Variants in MTA3 observed in about 807,000 individuals in gnomAD.
MTA3 encodes the protein metastasis-associated protein MTA3.
A neutral mutation model predicts 83.5 loss-of-function variants in MTA3; 34 were observed. The ratio of observed to expected loss-of-function variants is 0.41; its 90% confidence interval spans 0.31 to 0.54. The LOEUF (loss-of-function observed/expected upper bound fraction) is 0.54. Among genes scored for constraint, MTA3 ranks in the 20% least tolerant of loss-of-function variants. MTA3 has a pLI of 0.33. For synonymous variants in MTA3, 303 were observed against 252.7 expected (o/e 1.20, Z -1.89); for missense variants, 761 against 726.4 (o/e 1.05, Z -0.55).
At chr2:42,637,895 G>A (rs1465564247) in intron 4 of MTA3, among the ~76,000 whole-genome samples, 1 of 151,954 alleles carries the variant, frequency 6.6e-6, no homozygotes, top group East Asian at 1.9e-4. Flanking sequence ...ATGCTATATT[G>A]TTTGTTTGAA....
chr2:42,730,271 A>C (rs2104560362), intron 16 of MTA3, among the ~76,000 whole-genome samples: 1 of 152,268 alleles, frequency 6.6e-6, no homozygotes, highest in Middle Eastern at 3.4e-3. Flanking sequence ...CAGTGGTGAA[A>C]CTGGGCATCC....
At chr2:42,737,825 A>C (rs1430198823) in intron 16 of MTA3, among the ~76,000 whole-genome samples, 3 of 152,242 alleles carry the variant, frequency 2.0e-5, no homozygotes, top group African/African-American at 4.8e-5. Flanking sequence ...CCACCGAATG[A>C]ATACAGGCCC....
chr2:42,753,251 C>T, intron 16 of MTA3, 123 bp from the exon 17 acceptor site: 1 of 1,505,886 alleles, frequency 6.6e-7, no homozygotes. Flanking sequence ...TTTCTTTGAC[C>T]TACTGCTGAG....
chr2:42,495,518 T>C (rs1264765781), intron 2 of MTA3, among the ~76,000 whole-genome samples: 1 of 152,040 alleles, frequency 6.6e-6, no homozygotes, highest in East Asian at 1.9e-4. Context: ...ACAAGAAAAA[T>C]ATCTGTAAGA....
At position 42,694,963 on chromosome 2, in the gene MTA3, AC is replaced by A. The variant is rs566472763; in HGVS notation, c.892-798del. The stretch of plus-strand genomic sequence containing the variant: ...AGACCAGCCTGGGCAACATAGGGAG[AC>A]CCCAACTCTACAAAAAATAAAAAAG... On this transcript the variant is annotated intron_variant, in intron 9 of 16. Transcript: ENST00000405094. Among the ~76,000 whole-genome samples the A allele has an allele frequency of 2.0e-5, 3 of 151,896 alleles. No individual in the cohort carries two copies. In the South Asian group the frequency reaches 6.3e-4, roughly 32 times the overall value.
intron 2 of MTA3, among the ~76,000 whole-genome samples, chr2:42,557,452 C>G (rs1057019557): frequency 6.6e-6 from 1 of 152,110 alleles, no homozygotes; most frequent in Non-Finnish European, 1.5e-5. Flanking sequence ...TTTGGCTGGA[C>G]GGATTCTGGG....
chr2:42,500,390 T>C (rs1411049941), intron 2 of MTA3, among the ~76,000 whole-genome samples: 1 of 151,680 alleles, frequency 6.6e-6, no homozygotes, highest in Non-Finnish European at 1.5e-5. Context: ...CAGAGTGAGA[T>C]TCCATCTCAA....
chr2:42,531,492 G>T (rs1284680529), intron 2 of MTA3, among the ~76,000 whole-genome samples: 1 of 110,546 alleles, frequency 9.0e-6, no homozygotes, highest in Non-Finnish European at 1.7e-5. Context: ...TTGCTCTATC[G>T]CCCAGGCTAG....
rs1218559325 is a variant in MTA3 at position 42,656,265 on chromosome 2, A to G, written c.565A>G (p.Thr189Ala). ...AGTTTGGGATCCAAATAGCCCACTT[A>G]CGGATCGACAGATTGACCAGTTTTT... is the stretch of plus-strand genomic sequence containing the variant. Reference protein sequence around the residue: ...VKVWDPNSPLTDRQIDQFLVV... With the variant: ...VKVWDPNSPLADRQIDQFLVV... Residue 189 changes from threonine to alanine, a missense_variant, in exon 7 of 17, where the codon ACG becomes GCG. By Grantham distance (58) the Thr-to-Ala change is moderately conservative. Coordinates refer to ENST00000405094, the MANE Select transcript of MTA3 (RefSeq NM_001330442.2). The G allele has an allele frequency of 2.5e-6, 4 of 1,613,712 alleles. No individual in the cohort carries two copies. The African/African-American group carries it at 4.0e-5, about 16-fold the overall frequency.
At chr2:42,561,150 T>C (rs893955547) in intron 2 of MTA3, among the ~76,000 whole-genome samples, 9 of 152,102 alleles carry the variant, frequency 5.9e-5, no homozygotes, top group African/African-American at 2.2e-4. Context: ...TCTGGAATGT[T>C]GCTCTCCAGA....
Position 42,695,858 on chromosome 2 carries a change from C to CAACCATATTGG in MTA3, c.966+19_966+20insAACCATATTGG. 4.1e-6 allele frequency: 6 copies of CAACCATATTGG among 1,461,180 alleles called. No individual in the cohort carries two copies. The highest frequency in any genetic ancestry group is 4.7e-6 in the Non-Finnish European group (5 of 1,067,660). The allele number at this position is 1,461,180 out of a possible 1,614,324, so 90.5% of individuals were successfully genotyped here. A position where few individuals can be genotyped will look rare whatever the true frequency, so the allele number is the denominator to read the frequency against. Reference sequence around the variant, plus strand: ...GCAACAGGTAATTTTTTTCATATTGCTACCAATATGGTTGCATTTAAGTGA... The same window carrying CAACCATATTGG: ...GCAACAGGTAATTTTTTTCATATTGCAACCATATTGGTACCAATATGGTTGCATTTAAGTGA... On this transcript the variant is annotated intron_variant, in intron 10 of 16. Coordinates refer to ENST00000405094, the MANE Select transcript of MTA3 (RefSeq NM_001330442.2).
chr2:42,569,318 C>T (rs902837603), intron 1 of MTA3: 2 of 152,408 alleles, frequency 1.3e-5, no homozygotes, highest in Admixed American at 1.3e-4. Flanking sequence ...TCCAGTCCCC[C>T]ACGAATGGGG....
intron 9 of MTA3, among the ~76,000 whole-genome samples, chr2:42,686,322 A>G (rs1349360082): frequency 2.6e-5 from 4 of 152,252 alleles, no homozygotes; most frequent in Non-Finnish European, 5.9e-5. Flanking sequence ...ATTTATACAC[A>G]GTAAAATTCA....
chr2:42,545,564 G>A (rs1359463138), intron 2 of MTA3, among the ~76,000 whole-genome samples: 2 of 152,068 alleles, frequency 1.3e-5, no homozygotes, highest in Non-Finnish European at 2.9e-5. Context: ...TGAGTGTTTC[G>A]GGGGTGGGAC....
At chr2:42,673,361 G>A (rs1341206216) in intron 8 of MTA3, among the ~76,000 whole-genome samples, 11 of 152,126 alleles carry the variant, frequency 7.2e-5, no homozygotes, top group East Asian at 1.9e-4. Flanking sequence ...CTCGACTTAG[G>A]ATGTTCAACT....
chr2:42,619,934 T>C (rs1685348217), intron 4 of MTA3, among the ~76,000 whole-genome samples: 1 of 152,178 alleles, frequency 6.6e-6, no homozygotes, highest in Non-Finnish European at 1.5e-5. Context: ...CAAAGGCAAG[T>C]TCTACTTAAG....
intron 2 of MTA3, chr2:42,532,751 T>A (rs965122982): frequency 6.4e-5 from 15 of 234,978 alleles, no homozygotes; most frequent in Non-Finnish European, 9.3e-5. Context: ...TTTTTTTTTT[T>A]AAACACCTAT....
At chr2:42,632,631 T>A (rs1269348175) in intron 4 of MTA3, among the ~76,000 whole-genome samples, 1 of 152,212 alleles carries the variant, frequency 6.6e-6, no homozygotes, top group Admixed American at 6.5e-5. Context: ...GTTTCTTTCA[T>A]ATTTGTTATC....
At chr2:42,646,980 C>T (rs1291647851) in intron 6 of MTA3, among the ~76,000 whole-genome samples, 2 of 151,378 alleles carry the variant, frequency 1.3e-5, no homozygotes, top group Non-Finnish European at 2.9e-5. Flanking sequence ...CATGGTGAAA[C>T]CTCGTCTCTA....
Sources: allele counts gnomAD v4.1 joint callset (sites outside exome capture counted in the v4.1 genomes callset), GRCh38; gene constraint gnomAD v4.1.1; transcripts MANE v1.5; gene names NCBI Gene and HGNC (gene_info 2026-07-23, HGNC 2026-07-21).